Variants in TP63 observed in about 807,000 individuals in gnomAD.
TP63 encodes tumor protein p63.
TP63 carries 17 observed loss-of-function variants against 82.8 expected under a neutral mutation model. That is an observed-to-expected ratio of 0.21 (90% CI 0.14 to 0.31). The LOEUF is 0.31. Ranked by LOEUF, TP63 falls within the 10% of genes least tolerant of loss-of-function variation. The pLI is 1.00. For synonymous variants in TP63, 330 were observed against 321.7 expected, an observed-to-expected ratio of 1.03 and a Z score of -0.28; for missense variants, 648 against 895.3, an observed-to-expected ratio of 0.72 and a Z score of 3.52.
In TP63 at chr3:189,889,498, A is replaced by G. The variant is rs150685395; in HGVS notation, c.1652+14A>G. On this transcript the variant is annotated intron_variant, in intron 12 of 13. Transcript: ENST00000264731. The stretch of plus-strand genomic sequence containing the variant: ...CAGCATTGTCAGGTGAGTCCACAGC[A>G]TGTGCCCCTGGGGGCCTGCCCTAAG... 9 of 1,614,118 alleles carry G rather than the reference A, an allele frequency of 5.6e-6. No individual in the cohort carries two copies. The highest frequency in any genetic ancestry group is 7.6e-6 in the Non-Finnish European group (9 of 1,179,984).
chr3:189,881,310 C>T, intron 10 of TP63: 1 of 985,120 alleles, frequency 1.0e-6, no homozygotes, highest in Non-Finnish European at 1.2e-6. Context: ...CTGTTTCTTT[C>T]CATTTTAAAA....
At chr3:189,605,238 CCA>C in the TP63 span, among the ~76,000 whole-genome samples, 1 of 152,168 alleles carries the variant, frequency 6.6e-6, no homozygotes, top group Non-Finnish European at 1.5e-5. Flanking sequence ...TAATTTCAGG[CCA>C]CTGATTATGC....
rs1479077854 is a variant in TP63 at position 189,895,332 on chromosome 3, C to G, written c.*830C>G. On this transcript the variant is annotated 3_prime_UTR_variant, in exon 14 of 14. Coordinates refer to ENST00000264731, the MANE Select transcript of TP63 (RefSeq NM_003722.5). ...CCATAGCAGCCAGTTCAAAAACACC[C>G]GACGTCATGTATTTGAGCATATCAG... The G allele has an allele frequency of 4.6e-6, 1 of 218,704 alleles. No homozygotes were observed. Among genetic ancestry groups the G allele is most frequent in the South Asian group, 1.8e-4 (1 of 5,410 alleles). 13.5% of individuals were successfully genotyped at this position (218,704 alleles called of 1,614,324 possible).
chr3:189,896,177 T>G lies in TP63; in HGVS notation c.*1675T>G, dbSNP rs555491266. 1 of 219,778 alleles carries G rather than the reference T, an allele frequency of 4.6e-6. No homozygotes were observed. Among genetic ancestry groups the G allele is most frequent in the East Asian group, 6.7e-5 (1 of 14,888 alleles). 13.6% of individuals were successfully genotyped at this position (219,778 alleles called of 1,614,324 possible). A position where few individuals can be genotyped will look rare whatever the true frequency, so the allele number is the denominator to read the frequency against. On this transcript the variant is annotated 3_prime_UTR_variant, in exon 14 of 14. Transcript: ENST00000264731. ...CTGTCATTGCACATAAGCTTCCATT[T>G]TAATTTTAAAGTGCAAAAGGGCCAG...
At chr3:189,823,004 C>T (rs529059448) in intron 4 of TP63, among the ~76,000 whole-genome samples, 4 of 152,298 alleles carry the variant, frequency 2.6e-5, no homozygotes, top group African/African-American at 9.6e-5. Flanking sequence ...AACAATCAAG[C>T]AGCCTCTGAA....
chr3:189,652,821 A>G lies in TP63; in HGVS notation c.62+21244A>G, dbSNP rs1481599753. ...TGTTTTCATGAGATCTGATGGTTTTATAAAGGGTTTGCCACTTTGCTGGGC... is the reference window on the plus strand; with the variant it reads ...TGTTTTCATGAGATCTGATGGTTTTGTAAAGGGTTTGCCACTTTGCTGGGC... On this transcript the variant is annotated intron_variant, in intron 1 of 13. Transcript: ENST00000264731. Among the ~76,000 whole-genome samples the G allele has an allele frequency of 4.8e-5, 7 of 146,694 alleles. 1 individual carries two copies. The highest frequency in any genetic ancestry group is 1.8e-4 in the African/African-American group (7 of 39,112).
intron 4 of TP63, among the ~76,000 whole-genome samples, chr3:189,816,211 A>G (rs540446659): frequency 6.6e-6 from 1 of 152,358 alleles, no homozygotes; most frequent in Admixed American, 6.5e-5. Context: ...TAATTGAAGT[A>G]TAAAGAGAAA....
intron 1 of TP63, among the ~76,000 whole-genome samples, chr3:189,662,788 C>T (rs1714038230): frequency 6.6e-6 from 1 of 151,874 alleles, no homozygotes; most frequent in Non-Finnish European, 1.5e-5. Context: ...ATGAAGAGAA[C>T]ATGTTCTTTC....
At chr3:189,856,854 A>G (rs1442015601) in intron 4 of TP63, among the ~76,000 whole-genome samples, 1 of 152,050 alleles carries the variant, frequency 6.6e-6, no homozygotes, top group Admixed American at 6.5e-5. Flanking sequence ...ACTATAAAAC[A>G]TTTCTGAGTA....
In TP63 at chr3:189,894,411, C is replaced by T; in HGVS notation, c.1952C>T (p.Ser651Phe). Residue 651 changes from serine (S) to phenylalanine (F), a missense_variant, in exon 14 of 14, where the codon TCT (serine) becomes TTT (phenylalanine). Physicochemically the swap from Ser to Phe is radical, Grantham distance 155. Around this residue, in one of 5 missense-constraint regions of TP63, gnomAD observed 342 missense variants for 425.7 expected, o/e 0.80. Transcript: ENST00000264731. ...CGATTCACCCTCCGCCAGACCATCT[C>T]TTTCCCACCCCGAGATGAGTGGAAT... ...AVRFTLRQTI[S>F]FPPRDEWNDF... The T allele has an allele frequency of 1.2e-6, 2 of 1,614,110 alleles. No individual in the cohort carries two copies. Among genetic ancestry groups the T allele is most frequent in the Non-Finnish European group, 1.7e-6 (2 of 1,180,010 alleles).
chr3:189,734,686 C>A (rs981262539), intron 1 of TP63, among the ~76,000 whole-genome samples: 3 of 152,122 alleles, frequency 2.0e-5, no homozygotes, highest in Non-Finnish European at 2.9e-5. Flanking sequence ...TCAAGAAAAT[C>A]GAAGTCATCA....
intron 3 of TP63, among the ~76,000 whole-genome samples, chr3:189,802,273 AG>A (rs1331491196): frequency 3.9e-5 from 6 of 152,308 alleles, no homozygotes; most frequent in African/African-American, 1.4e-4. Flanking sequence ...TTTACCCATG[AG>A]GGACTGTAGA....
At position 189,681,108 on chromosome 3, in the gene TP63, A is replaced by G. The variant is rs140842178; in HGVS notation, c.62+49531A>G. Among the ~76,000 whole-genome samples the G allele has an allele frequency of 2.2e-3, 337 of 152,310 alleles. 1 individual carries two copies. Among genetic ancestry groups the G allele is most frequent in the African/African-American group, 7.6e-3 (317 of 41,568 alleles). ...GTAAAAATGTCCTTCCAGTTCTGCT[A>G]AATGTATCTTTTCTTACTTCTGTGC... On this transcript the variant is annotated intron_variant, in intron 1 of 13. Coordinates refer to ENST00000264731, the MANE Select transcript of TP63 (RefSeq NM_003722.5).
chr3:189,766,515 G>A (rs892794701), intron 3 of TP63, among the ~76,000 whole-genome samples: 1 of 152,078 alleles, frequency 6.6e-6, no homozygotes, highest in Non-Finnish European at 1.5e-5. Context: ...GAAAGGAGAA[G>A]TTCCTAACTC....
chr3:189,777,742 A>G (rs562939590), intron 3 of TP63, among the ~76,000 whole-genome samples: 1 of 143,110 alleles, frequency 7.0e-6, no homozygotes, highest in African/African-American at 2.6e-5. Context: ...ATTTCACCCG[A>G]CTTTGTAAAC....
intron 3 of TP63, among the ~76,000 whole-genome samples, chr3:189,745,972 A>G (rs911215262): frequency 2.6e-4 from 39 of 152,202 alleles, no homozygotes; most frequent in Admixed American, 1.2e-3. Flanking sequence ...TTCCAAATCA[A>G]ATAAAAGGAT....
intron 3 of TP63, among the ~76,000 whole-genome samples, chr3:189,793,749 T>G (rs1291800626): frequency 6.6e-6 from 1 of 152,084 alleles, no homozygotes; most frequent in Non-Finnish European, 1.5e-5. Context: ...AAAAAGATAC[T>G]TCTGTGAAAA....
In TP63 at chr3:189,738,636, T is replaced by G. The variant is rs1431002105; in HGVS notation, c.192-6T>G. ...CTAACTCACTTTTTTCTTTCCTATG[T>G]GTTAGGCCTATATGTTCAGTTCAGC... On this transcript the variant is annotated splice_polypyrimidine_tract_variant and splice_region_variant and intron_variant, in intron 2 of 13. Transcript: ENST00000264731. 1 of 1,614,072 alleles carries G rather than the reference T, an allele frequency of 6.2e-7. No homozygotes were observed. The highest frequency in any genetic ancestry group is 2.2e-5 in the East Asian group (1 of 44,874).
chr3:189,680,762 G>A (rs1424752977), intron 1 of TP63, among the ~76,000 whole-genome samples: 1 of 152,162 alleles, frequency 6.6e-6, no homozygotes, highest in Non-Finnish European at 1.5e-5. Flanking sequence ...TGCTGACATG[G>A]ACCTGGAGCC....
Sources: gnomAD v4.1 joint callset for allele counts (sites outside exome capture counted in the v4.1 genomes callset) on GRCh38, gnomAD v4.1.1 for gene constraint, gnomAD v4.1.1 regional missense constraint, MANE v1.5 for transcripts, NCBI Gene and HGNC (gene_info 2026-07-23, HGNC 2026-07-21) for gene names.